Variants in PLEKHG5 observed in about 807,000 individuals in gnomAD.
PLEKHG5 encodes pleckstrin homology domain-containing family G member 5.
PLEKHG5 carries 52 observed loss-of-function variants against 103.8 expected under a neutral mutation model. The ratio of observed to expected loss-of-function variants is 0.50; its 90% CI spans 0.40 to 0.63. The LOEUF (loss-of-function observed/expected upper bound fraction) is 0.63, where lower values mean the gene tolerates loss of function less well. Among genes scored for constraint, PLEKHG5 ranks in the 30% least tolerant of loss-of-function variants. The pLI, the probability that PLEKHG5 is intolerant of heterozygous loss-of-function variation, is 0.00. For synonymous variants in PLEKHG5, 592 were observed against 575.5 expected, an observed-to-expected ratio of 1.03 and a Z score of -0.41; for missense variants, 1,205 against 1,347.6, an observed-to-expected ratio of 0.89 and a Z score of 1.66.
chr1:6,470,716 C>T lies in PLEKHG5; in HGVS notation c.1542+19G>A, dbSNP rs559232334. The T allele has an allele frequency of 1.9e-6, 3 of 1,551,846 alleles. No homozygotes were observed. The highest frequency in any genetic ancestry group is 1.9e-5 in the Admixed American group (1 of 51,742). On this transcript the variant is annotated intron_variant, in intron 14 of 20. Transcript: ENST00000377728. ...AGAGCCGCGCAGGGGGGACGGCTCCCGCTGGCCATCAGGGTTACCATGGCG... is the reference window on the plus strand; with the variant it reads ...AGAGCCGCGCAGGGGGGACGGCTCCTGCTGGCCATCAGGGTTACCATGGCG...
At chr1:6,488,816 T>C (rs1267919603) in intron 1 of PLEKHG5, among the ~76,000 whole-genome samples, 1 of 151,526 alleles carries the variant, frequency 6.6e-6, no homozygotes, top group Non-Finnish European at 1.5e-5. Context: ...GGCTTGTGAG[T>C]CAGGGCCGGC....
chr1:6,481,388 G>A (rs574344495), intron 1 of PLEKHG5, among the ~76,000 whole-genome samples: 2 of 152,014 alleles, frequency 1.3e-5, no homozygotes, highest in East Asian at 1.9e-4. Flanking sequence ...AAAATTAGCT[G>A]GGCATGGTGG....
chr1:6,472,910 A>G (rs1644636318), intron 9 of PLEKHG5, 76 bp downstream of exon 9: 2 of 1,408,610 alleles, frequency 1.4e-6, no homozygotes. Flanking sequence ...CCCATGGAAC[A>G]TCTGATCACT....
At position 6,481,862 on chromosome 1, in the gene PLEKHG5, T is replaced by TAAA. The variant is rs202091933; in HGVS notation, c.-87-4207_-87-4205dup. Reference sequence around the variant, plus strand: ...CTGGGCTACAGGGAAGACATTATCTTAAAAAAAAAAAAAAGCCAAAAGGGT... The same window carrying TAAA: ...CTGGGCTACAGGGAAGACATTATCTTAAAAAAAAAAAAAAAAAGCCAAAAGGGT... On this transcript the variant is annotated intron_variant, in intron 1 of 20. Coordinates refer to ENST00000377728, the MANE Select transcript of PLEKHG5 (RefSeq NM_020631.6). Among the ~76,000 whole-genome samples the TAAA allele has an allele frequency of 2.3e-4, 31 of 137,252 alleles. 1 individual carries two copies. Among genetic ancestry groups the TAAA allele is most frequent in the African/African-American group, 8.0e-4 (30 of 37,388 alleles). The allele number at this position is 137,252 out of a possible 152,430, so 90.0% of individuals were successfully genotyped here. A position where few individuals can be genotyped will look rare whatever the true frequency, so the allele number is the denominator to read the frequency against.
chr1:6,508,754 C>A (rs1289354611), intron 1 of PLEKHG5, among the ~76,000 whole-genome samples: 1 of 152,228 alleles, frequency 6.6e-6, no homozygotes, highest in Non-Finnish European at 1.5e-5. Context: ...TGGCCCAATG[C>A]CATACTGAGC....
intron 15 of PLEKHG5, 23 bp from the exon 16 acceptor site, chr1:6,470,378 T>C: frequency 3.1e-6 from 5 of 1,613,712 alleles, no homozygotes; most frequent in Non-Finnish European, 4.2e-6. Context: ...GGCGTGAACG[T>C]AGGGGAGGCC....
chr1:6,496,408 G>T, upstream of PLEKHG5: 1 of 1,075,178 alleles, frequency 9.3e-7, no homozygotes, highest in African/African-American at 1.6e-5. Flanking sequence ...AGGGCTCTGT[G>T]GATAGCTGGT....
Position 6,467,306 on chromosome 1 carries a change from C to T in PLEKHG5, c.*257G>A. ...CAGCCTAGGAGCCCAGCCCTGAAGA[C>T]TCGAGCTGAGCTGGTAACTTCGGGG... is the stretch of plus-strand genomic sequence containing the variant. On this transcript the variant is annotated 3_prime_UTR_variant, in exon 21 of 21. Coordinates refer to ENST00000377728, the MANE Select transcript of PLEKHG5 (RefSeq NM_020631.6). 1.6e-6 allele frequency: 1 copy of T among 608,970 alleles called. No homozygotes were observed. Among genetic ancestry groups the T allele is most frequent in the Non-Finnish European group, 3.0e-6 (1 of 334,254 alleles). The allele number at this position is 608,970 out of a possible 1,614,324, so 37.7% of individuals were successfully genotyped here.
chr1:6,470,639 C>A lies in PLEKHG5; in HGVS notation c.1547G>T (p.Gly516Val). The A allele has an allele frequency of 6.4e-7, 1 of 1,571,740 alleles. No individual in the cohort carries two copies. Among genetic ancestry groups the A allele is most frequent in the South Asian group, 1.1e-5 (1 of 87,350 alleles). Residue 516 changes from glycine to valine, a missense_variant, in exon 15 of 21, where the codon GGC (glycine) becomes GTC (valine). Gly to Val is a moderately radical substitution (Grantham distance 109). Coordinates refer to ENST00000377728, the MANE Select transcript of PLEKHG5 (RefSeq NM_020631.6). ...RAKEAVVAMI[G>V]SVERFIHHVN... ...GTGGTGGATGAAGCGCTCCACGGAG[C>A]CGATCTAGGGGCAGGTGAGGGAGCT...
chr1:6,471,239 T>C, intron 12 of PLEKHG5, 139 bp from the exon 13 acceptor site: 1 of 813,866 alleles, frequency 1.2e-6, no homozygotes, highest in Non-Finnish European at 2.0e-6. Flanking sequence ...GATCCCTGTT[T>C]CCTGATGAGG....
In PLEKHG5 at chr1:6,468,490, G is replaced by A; in HGVS notation, c.2346C>T (p.Ser782=). The change falls in exon 20 of 21, where the codon TCC becomes TCT. Residue 782 remains serine, a synonymous_variant. Transcript: ENST00000377728. ...TGCTGAGAGAGGTCTCATCAGACTG[G>A]GAGCTGAAAGGACCGCTGTCGAACT... is the stretch of plus-strand genomic sequence containing the variant. ...SPEFDSGPFS[S]QSDETSLSTT... 6.2e-7 allele frequency: 1 copy of A among 1,613,086 alleles called. No homozygotes were observed. The highest frequency in any genetic ancestry group is 8.5e-7 in the Non-Finnish European group (1 of 1,179,968).
Position 6,474,172 on chromosome 1 carries a change from T to TG in PLEKHG5, c.440-9dup. 1 of 1,613,106 alleles carries TG rather than the reference T, an allele frequency of 6.2e-7. No individual in the cohort carries two copies. On this transcript the variant is annotated splice_polypyrimidine_tract_variant and intron_variant, in intron 6 of 20. Coordinates refer to ENST00000377728, the MANE Select transcript of PLEKHG5 (RefSeq NM_020631.6). ...CTCCAGGCTTGGCTGGGGCTGCATGTGGGGGCCACGAGAGATCCTCAGTAC... is the reference window on the plus strand; with the variant it reads ...CTCCAGGCTTGGCTGGGGCTGCATGTGGGGGGCCACGAGAGATCCTCAGTAC...
Position 6,468,478 on chromosome 1 carries a change from C to A in PLEKHG5, c.2358G>T (p.Glu786Asp). ...DSGPFSSQSDETSLSTTASSA... is the reference protein window; with the variant it reads ...DSGPFSSQSDDTSLSTTASSA... ...ATGAGGCAGTGGTGCTGAGAGAGGT[C>A]TCATCAGACTGGGAGCTGAAAGGAC... Residue 786 changes from glutamate to aspartate, a missense_variant, in exon 20 of 21, where the codon GAG becomes GAT. Glu to Asp is a conservative substitution (Grantham distance 45). Transcript: ENST00000377728. The A allele has an allele frequency of 6.2e-7, 1 of 1,613,008 alleles. No homozygotes were observed. The highest frequency in any genetic ancestry group is 8.5e-7 in the Non-Finnish European group (1 of 1,179,938).
rs1001189681 is a variant in PLEKHG5, at chr1:6,505,159, G to A, written c.-164-8590C>T. ...ACAGTGCTGGGAGCTGGAGATCAGC[G>A]CTCCGGTAGCTTCTGCGGACCGGAC... On this transcript the variant is annotated intron_variant, in intron 1 of 21. Coordinates refer to the PLEKHG5 transcript ENST00000377740. This position sits in a 1 kb window ranked among gnomAD's most constrained non-coding sequence, Gnocchi z 4.2. 2.0e-5 allele frequency among the ~76,000 whole-genome samples: 3 copies of A among 152,112 alleles called. No individual in the cohort carries two copies. Among genetic ancestry groups the A allele is most frequent in the Admixed American group, 2.0e-4 (3 of 15,274 alleles).
chr1:6,500,421 G>A (rs142821767), upstream of PLEKHG5, among the ~76,000 whole-genome samples: 794 of 152,182 alleles, frequency 5.2e-3, 4 homozygotes, highest in African/African-American at 0.011. Flanking sequence ...TCCCTTGGGA[G>A]CCCTGCCTCT....
upstream of PLEKHG5, among the ~76,000 whole-genome samples, chr1:6,494,394 G>A (rs1381017312): frequency 6.6e-6 from 1 of 152,018 alleles, no homozygotes; most frequent in Non-Finnish European, 1.5e-5. Context: ...GCCTCCCAAA[G>A]TGCTGGGGTT....
intron 3 of PLEKHG5, 109 bp downstream of exon 3, chr1:6,475,822 A>G (rs1644751073): frequency 8.2e-6 from 8 of 976,056 alleles, no homozygotes; most frequent in Non-Finnish European, 1.3e-5. Flanking sequence ...AGGTCTGCCC[A>G]TCAGCCTTAC....
intron 1 of PLEKHG5, among the ~76,000 whole-genome samples, chr1:6,489,824 C>A (rs373407217): frequency 1.3e-5 from 2 of 152,210 alleles, no homozygotes; most frequent in East Asian, 1.9e-4. Flanking sequence ...CTAGTGTGTG[C>A]CCGGACCCCG....
At chr1:6,509,383 G>A (rs1638413915) in intron 1 of PLEKHG5, among the ~76,000 whole-genome samples, 3 of 152,240 alleles carry the variant, frequency 2.0e-5, no homozygotes, top group Admixed American at 2.0e-4. Context: ...GGGAGGGGGC[G>A]AGTCCTCTGC....
Sources: allele counts gnomAD v4.1 joint callset (sites outside exome capture counted in the v4.1 genomes callset), GRCh38; gene constraint gnomAD v4.1.1; non-coding constraint Gnocchi (gnomAD v3.1); transcripts MANE v1.5; gene names NCBI Gene and HGNC (gene_info 2026-07-23, HGNC 2026-07-21).